The following PARVA variants were observed in gnomAD, a reference collection of about 807,000 sequenced individuals.
PARVA encodes the protein parvin alpha, also known as alpha-parvin.
A neutral mutation model predicts 52.6 loss-of-function variants in PARVA; 25 were observed. The ratio of observed to expected loss-of-function variants is 0.48; its 90% CI spans 0.35 to 0.66. PARVA has a LOEUF of 0.66. Ranked by LOEUF, PARVA falls within the 30% of genes least tolerant of loss-of-function variation. PARVA has a pLI of 0.01. For missense variants in PARVA, 373 were observed against 450.9 expected, an observed-to-expected ratio of 0.83 and a Z score of 1.56; for synonymous variants, 185 against 179.1, an observed-to-expected ratio of 1.03 and a Z score of -0.26.
upstream of PARVA, chr11:12,377,159 G>C (rs115714336): frequency 0.011 from 2,540 of 225,036 alleles, 54 homozygotes; most frequent in African/African-American, 0.054. Flanking sequence ...AGTCTTGTGG[G>C]CGCAAGACGT....
chr11:12,395,242 C>G (rs2134958811), intron 1 of PARVA, among the ~76,000 whole-genome samples: 1 of 152,178 alleles, frequency 6.6e-6, no homozygotes, highest in East Asian at 1.9e-4. Flanking sequence ...GTTCAAAGGT[C>G]AACTGTATAA....
At chr11:12,406,917 G>A (rs1348814623) in intron 1 of PARVA, among the ~76,000 whole-genome samples, 1 of 152,010 alleles carries the variant, frequency 6.6e-6, no homozygotes, top group Non-Finnish European at 1.5e-5. Flanking sequence ...TGATCCACCT[G>A]CCTCGGCTTC....
chr11:12,457,229 A>G (rs558526189), intron 1 of PARVA, among the ~76,000 whole-genome samples: 75 of 152,336 alleles, frequency 4.9e-4, no homozygotes, highest in Non-Finnish European at 8.1e-4. Flanking sequence ...CAGTTAAAGC[A>G]TCTTCGATTT....
intron 1 of PARVA, among the ~76,000 whole-genome samples, chr11:12,471,052 A>C (rs1940926135): frequency 6.6e-6 from 1 of 152,174 alleles, no homozygotes; most frequent in South Asian, 2.1e-4. Flanking sequence ...ACAGATGCAA[A>C]AGGTGAGGAA....
Position 12,494,946 on chromosome 11 carries a change from C to T in PARVA, c.401-1512C>T, listed in dbSNP as rs117359148. 7.2e-3 allele frequency among the ~76,000 whole-genome samples: 1,101 copies of T among 152,250 alleles called. 6 individuals carry two copies. The highest frequency in any genetic ancestry group is 0.013 in the Non-Finnish European group (890 of 68,010). ...ACCTAGCATTTTGGGCAGCCTCTATCCAATGCTTGTAGTTGCAAAGTAAGA... is the reference window on the plus strand; with the variant it reads ...ACCTAGCATTTTGGGCAGCCTCTATTCAATGCTTGTAGTTGCAAAGTAAGA... On this transcript the variant is annotated intron_variant, in intron 4 of 12. Coordinates refer to ENST00000334956, the MANE Select transcript of PARVA (RefSeq NM_018222.5).
At chr11:12,508,852 G>A (rs1013322035) in intron 7 of PARVA, among the ~76,000 whole-genome samples, 3 of 152,100 alleles carry the variant, frequency 2.0e-5, no homozygotes, top group Non-Finnish European at 2.9e-5. Flanking sequence ...GTAGGGAGAC[G>A]GAATTAGCAG....
intron 1 of PARVA, among the ~76,000 whole-genome samples, chr11:12,429,657 T>G (rs540725203): frequency 1.6e-4 from 24 of 152,290 alleles, no homozygotes; most frequent in African/African-American, 5.8e-4. Flanking sequence ...CCCAATAAAT[T>G]TATTGTCATT....
intron 4 of PARVA, among the ~76,000 whole-genome samples, chr11:12,496,207 G>A (rs1455031053): frequency 1.3e-5 from 2 of 152,298 alleles, no homozygotes; most frequent in South Asian, 2.1e-4. Context: ...GACAGGCTAG[G>A]TTAAATGCCC....
At position 12,395,581 on chromosome 11, in the gene PARVA, A is replaced by G. The variant is rs147371691; in HGVS notation, c.136+17798A>G. ...TCAGCCTGGGTTAGTTGTTCAACCC[A>G]TGACACATATCTTGCTTGAAAGGTA... On this transcript the variant is annotated intron_variant, in intron 1 of 12. Transcript: ENST00000334956. 2.2e-4 allele frequency among the ~76,000 whole-genome samples: 33 copies of G among 152,350 alleles called. No individual in the cohort carries two copies. In the East Asian group the frequency reaches 6.4e-3, roughly 29 times the overall value.
intron 4 of PARVA, chr11:12,478,914 G>A (rs909514933): frequency 6.6e-6 from 1 of 152,158 alleles, no homozygotes; most frequent in African/African-American, 2.4e-5. Flanking sequence ...CCTCTCTCCT[G>A]CTGGACAAAG....
intron 7 of PARVA, among the ~76,000 whole-genome samples, chr11:12,510,776 A>G (rs1941494450): frequency 6.6e-6 from 1 of 152,196 alleles, no homozygotes; most frequent in South Asian, 2.1e-4. Context: ...ACCAGTCCCC[A>G]TGATTCAATT....
In PARVA at chr11:12,443,232, T is replaced by A. The variant is rs149506274; in HGVS notation, c.137-30513T>A. Among the ~76,000 whole-genome samples the A allele has an allele frequency of 1.9e-3, 262 of 136,570 alleles. 1 individual carries two copies. Among genetic ancestry groups the A allele is most frequent in the African/African-American group, 6.6e-3 (252 of 38,400 alleles). The allele number at this position is 136,570 out of a possible 152,430, so 89.6% of individuals were successfully genotyped here. A position where few individuals can be genotyped will look rare whatever the true frequency, so the allele number is the denominator to read the frequency against. ...CTGTCGTCAGGTTGGAGTGCAGTGG[T>A]GCAATCTCAGCTCACTGCAACCTTC... On this transcript the variant is annotated intron_variant, in intron 1 of 12. Coordinates refer to ENST00000334956, the MANE Select transcript of PARVA (RefSeq NM_018222.5).
intron 1 of PARVA, among the ~76,000 whole-genome samples, chr11:12,419,346 C>T (rs947499888): frequency 6.6e-6 from 1 of 151,956 alleles, no homozygotes; most frequent in African/African-American, 2.4e-5. Context: ...CTCTTGGTAC[C>T]TCCTATGAGT....
intron 1 of PARVA, among the ~76,000 whole-genome samples, chr11:12,454,274 T>C (rs866122708): frequency 6.6e-6 from 1 of 152,198 alleles, no homozygotes; most frequent in Non-Finnish European, 1.5e-5. Context: ...CCAGTGAAGA[T>C]GGATATTTTC....
rs1941814870 is a variant in PARVA at position 12,534,720 on chromosome 11, G to A, written c.*6795G>A. 6.6e-6 allele frequency among the ~76,000 whole-genome samples: 1 copy of A among 152,196 alleles called. No individual in the cohort carries two copies. The highest frequency in any genetic ancestry group is 2.1e-4 in the South Asian group (1 of 4,838). ...ATTTAATCTGTTACATGTTTGCTCT[G>A]TGTGGAGCCAGGGTTGGGGCTGCAC... On this transcript the variant is annotated 3_prime_UTR_variant, in exon 13 of 13. Coordinates refer to ENST00000334956, the MANE Select transcript of PARVA (RefSeq NM_018222.5).
At chr11:12,448,719 G>A (rs527990848) in intron 1 of PARVA, among the ~76,000 whole-genome samples, 4 of 152,230 alleles carry the variant, frequency 2.6e-5, no homozygotes, top group Non-Finnish European at 5.9e-5. Flanking sequence ...CTGAAGGTCA[G>A]CTGGTCCCTG....
At chr11:12,403,742 G>T (rs532144029) in intron 1 of PARVA, among the ~76,000 whole-genome samples, 2 of 152,292 alleles carry the variant, frequency 1.3e-5, no homozygotes, top group African/African-American at 4.8e-5. Context: ...AATGTCTAGG[G>T]TTAGTTTAGT....
At chr11:12,487,555 C>T (rs990313545) in intron 4 of PARVA, among the ~76,000 whole-genome samples, 10 of 152,102 alleles carry the variant, frequency 6.6e-5, no homozygotes, top group East Asian at 1.9e-4. Context: ...GTAGCTACCA[C>T]GTTGGACAAT....
At chr11:12,391,824 G>T (rs1183183545) in intron 1 of PARVA, among the ~76,000 whole-genome samples, 1 of 152,240 alleles carries the variant, frequency 6.6e-6, no homozygotes, top group Non-Finnish European at 1.5e-5. Flanking sequence ...AGGAGAGGTG[G>T]TCTGATCCAT....
Sources: gnomAD v4.1 joint callset for allele counts (sites outside exome capture counted in the v4.1 genomes callset) on GRCh38, gnomAD v4.1.1 for gene constraint, MANE v1.5 for transcripts, NCBI Gene and HGNC (gene_info 2026-07-23, HGNC 2026-07-21) for gene names.